TOX: variants seen among roughly 807,000 people sequenced by gnomAD.
TOX encodes the protein thymocyte selection-associated high mobility group box protein TOX.
TOX carries 11 observed loss-of-function variants against 53.7 expected under a neutral mutation model. The ratio of observed to expected loss-of-function variants is 0.20; its 90% CI spans 0.13 to 0.34. The LOEUF is 0.34. TOX is among the 10% of genes least tolerant of loss of function. TOX has a pLI of 1.00. For synonymous variants in TOX, 225 were observed against 245.3 expected (o/e 0.92, Z 0.77); for missense variants, 570 against 664.6 (o/e 0.86, Z 1.56).
chr8:58,822,659 G>A (rs753429838), intron 6 of TOX, among the ~76,000 whole-genome samples: 2 of 152,146 alleles, frequency 1.3e-5, no homozygotes, highest in Non-Finnish European at 2.9e-5. Flanking sequence ...GTGGGCAGTC[G>A]GCTGGACTCC....
At chr8:59,066,039 G>A (rs1456423190) in intron 1 of TOX, among the ~76,000 whole-genome samples, 1 of 152,160 alleles carries the variant, frequency 6.6e-6, no homozygotes, top group East Asian at 1.9e-4. Context: ...CCTCAGTTAT[G>A]GAAGGTACAC....
chr8:58,924,483 T>C (rs545880019), intron 3 of TOX, among the ~76,000 whole-genome samples: 2 of 152,264 alleles, frequency 1.3e-5, no homozygotes, highest in Non-Finnish European at 2.9e-5. Context: ...CTTGTGGACA[T>C]AACCCTAATC....
At chr8:59,101,267 AT>A (rs917370020) in intron 1 of TOX, among the ~76,000 whole-genome samples, 1 of 152,080 alleles carries the variant, frequency 6.6e-6, no homozygotes, top group Non-Finnish European at 1.5e-5. Flanking sequence ...AAGTACACAG[AT>A]TTTTTTTCTT....
At chr8:58,885,291 G>A (rs895879442) in intron 3 of TOX, among the ~76,000 whole-genome samples, 2 of 152,058 alleles carry the variant, frequency 1.3e-5, no homozygotes, top group Non-Finnish European at 2.9e-5. Context: ...TCACCTTAAT[G>A]TATAGTTTTC....
At chr8:58,936,706 G>A (rs750343096) in intron 3 of TOX, among the ~76,000 whole-genome samples, 5 of 152,078 alleles carry the variant, frequency 3.3e-5, no homozygotes, top group Non-Finnish European at 7.4e-5. Flanking sequence ...CTGGAATCCA[G>A]CCAGAGATCC....
At chr8:58,954,272 C>T (rs1585921848) in intron 2 of TOX, among the ~76,000 whole-genome samples, 1 of 152,128 alleles carries the variant, frequency 6.6e-6, no homozygotes, top group African/African-American at 2.4e-5. Flanking sequence ...CTGCAATGGA[C>T]AGGGCAGGGC....
At chr8:59,098,927 A>G (rs995369110) in intron 1 of TOX, among the ~76,000 whole-genome samples, 10 of 152,214 alleles carry the variant, frequency 6.6e-5, no homozygotes, top group Non-Finnish European at 1.2e-4. Context: ...ATGTGAATTA[A>G]AAAGAGTGAA....
intron 1 of TOX, among the ~76,000 whole-genome samples, chr8:59,054,970 A>G (rs172653): frequency 0.94 from 134,372 of 142,928 alleles, 63,188 homozygotes; most frequent in African/African-American, 0.96. Context: ...GGGAGGAAGG[A>G]AGGGACGGAG....
Position 58,838,076 on chromosome 8 carries a change from C to T in TOX, c.924+5G>A. 6.2e-7 allele frequency: 1 copy of T among 1,613,516 alleles called. No homozygotes were observed. Among genetic ancestry groups the T allele is most frequent in the South Asian group, 1.1e-5 (1 of 91,040 alleles). On this transcript the variant is annotated splice_donor_5th_base_variant and intron_variant, in intron 5 of 8. Coordinates refer to ENST00000361421, the MANE Select transcript of TOX (RefSeq NM_014729.3). ...TAGATTCCCATTCCACTGGGAATCC[C>T]TTACCTGTTTTTGCTCTTCTCCTAA...
chr8:58,991,209 C>A (rs575830506), intron 1 of TOX, among the ~76,000 whole-genome samples: 1 of 152,168 alleles, frequency 6.6e-6, no homozygotes, highest in African/African-American at 2.4e-5. Context: ...ATTGTGGTGA[C>A]GATAAAAATA....
At chr8:58,920,752 A>AAG (rs1812058209) in intron 3 of TOX, among the ~76,000 whole-genome samples, 1 of 133,826 alleles carries the variant, frequency 7.5e-6, no homozygotes, top group South Asian at 2.4e-4. Context: ...AAAAGAAGAA[A>AAG]AAAAAAAAAG....
At chr8:59,003,525 A>C (rs1813733566) in intron 1 of TOX, among the ~76,000 whole-genome samples, 1 of 152,186 alleles carries the variant, frequency 6.6e-6, no homozygotes, top group African/African-American at 2.4e-5. Context: ...ACAACACAAG[A>C]CTTTTTTTCA....
intron 7 of TOX, among the ~76,000 whole-genome samples, chr8:58,813,795 T>C (rs573589988): frequency 1.3e-5 from 2 of 152,228 alleles, no homozygotes; most frequent in Non-Finnish European, 2.9e-5. Flanking sequence ...CCTTTGTTCT[T>C]CATAACGACT....
intron 1 of TOX, among the ~76,000 whole-genome samples, chr8:59,005,184 G>A (rs1813766270): frequency 6.6e-6 from 1 of 151,948 alleles, no homozygotes; most frequent in Admixed American, 6.6e-5. Context: ...GACTACAGGT[G>A]CCCGCCACCA....
chr8:58,813,221 A>G (rs1484856186), intron 7 of TOX, among the ~76,000 whole-genome samples: 1 of 152,238 alleles, frequency 6.6e-6, no homozygotes, highest in African/African-American at 2.4e-5. Flanking sequence ...AATCTGAAAT[A>G]TTTGAAAACT....
At chr8:59,094,516 T>C (rs1028103885) in intron 1 of TOX, among the ~76,000 whole-genome samples, 7 of 151,908 alleles carry the variant, frequency 4.6e-5, no homozygotes, top group Admixed American at 4.6e-4. Flanking sequence ...CACACGCATA[T>C]AGGTATTACA....
intron 1 of TOX, among the ~76,000 whole-genome samples, chr8:59,101,498 G>A (rs1451087110): frequency 1.3e-5 from 2 of 152,130 alleles, no homozygotes; most frequent in Non-Finnish European, 2.9e-5. Flanking sequence ...TTATTTTAAT[G>A]AGACCTTGAG....
At chr8:58,808,080 C>A in intron 8 of TOX, 38 bp downstream of exon 8, 1 of 1,588,620 alleles carries the variant, frequency 6.3e-7, no homozygotes, top group Non-Finnish European at 8.6e-7. Context: ...ATGCTATGAG[C>A]GCTGTCCACC....
At chr8:58,921,246 G>C (rs1015431137) in intron 3 of TOX, among the ~76,000 whole-genome samples, 11 of 152,180 alleles carry the variant, frequency 7.2e-5, no homozygotes, top group African/African-American at 2.7e-4. Flanking sequence ...TAAAATGGCT[G>C]TTTTTGAAAC....
Sources: allele counts gnomAD v4.1 joint callset (sites outside exome capture counted in the v4.1 genomes callset), GRCh38; gene constraint gnomAD v4.1.1; transcripts MANE v1.5; gene names NCBI Gene and HGNC (gene_info 2026-07-23, HGNC 2026-07-21).